The following CIT variants were observed in gnomAD, a reference collection of about 807,000 sequenced individuals.
CIT encodes citron Rho-interacting kinase.
CIT carries 79 observed loss-of-function variants against 272.7 expected under a neutral mutation model. The observed-to-expected ratio is 0.29, with a 90% CI of 0.24 to 0.35. The LOEUF (loss-of-function observed/expected upper bound fraction) is 0.35, where lower values mean the gene tolerates loss of function less well. Ranked by LOEUF, CIT falls within the 10% of genes least tolerant of loss-of-function variation. The probability of loss-of-function intolerance (pLI) is 1.00; values close to 1 mark genes in which losing one functional copy is unlikely to be tolerated. For missense variants in CIT, 1,909 were observed against 2,618.3 expected (o/e 0.73, Z 5.91); for synonymous variants, 948 against 995.6 (o/e 0.95, Z 0.90).
At chr12:119,868,934 G>A in intron 3 of CIT, 126 bp downstream of exon 3, 1 of 1,128,370 alleles carries the variant, frequency 8.9e-7, no homozygotes, top group Non-Finnish European at 1.3e-6. Flanking sequence ...ATTTGAACCT[G>A]GATCTGTCTT....
chr12:119,818,542 T>C (rs1024579311), intron 9 of CIT, among the ~76,000 whole-genome samples: 7 of 152,192 alleles, frequency 4.6e-5, no homozygotes, highest in African/African-American at 9.7e-5. Flanking sequence ...GGAAGAAGAC[T>C]ATCTCAGCGT....
rs192730588 is a variant in CIT at position 119,731,722 on chromosome 12, C to T, written c.3351-1092G>A. On this transcript the variant is annotated intron_variant, in intron 26 of 47. Coordinates refer to ENST00000392521, the MANE Select transcript of CIT (RefSeq NM_001206999.2). Reference sequence around the variant, plus strand: ...CAGCCTTCAAGGATAAATTCAAATGCTATGATCTCCATAAAACTATTCCCA... The same window carrying T: ...CAGCCTTCAAGGATAAATTCAAATGTTATGATCTCCATAAAACTATTCCCA... Among the ~76,000 whole-genome samples, 741 of 151,410 alleles carry T rather than the reference C, an allele frequency of 4.9e-3. 4 individuals are homozygous for T. Among genetic ancestry groups the T allele is most frequent in the Non-Finnish European group, 8.3e-3 (565 of 67,900 alleles).
intron 3 of CIT, among the ~76,000 whole-genome samples, chr12:119,868,126 G>T (rs1029776712): frequency 6.6e-6 from 1 of 151,994 alleles, no homozygotes. Context: ...CAGCCACTGG[G>T]GTGGAAGGAT....
rs542460458 is a variant in CIT, at chr12:119,690,996, A to G, written c.5883-542T>C. Among the ~76,000 whole-genome samples, 213 of 152,150 alleles carry G rather than the reference A, an allele frequency of 1.4e-3. 1 individual carries two copies. Among genetic ancestry groups the G allele is most frequent in the African/African-American group, 4.8e-3 (200 of 41,494 alleles). On this transcript the variant is annotated intron_variant, in intron 46 of 47. Transcript: ENST00000392521. The surrounding 1 kb of genome is among the most constrained non-coding windows in gnomAD (Gnocchi z 6.0). ...AGGCCAGCCTGGCCAACATGGTGAA[A>G]CCCCGTCTCTACTAAAAATACAAAA...
At chr12:119,805,544 C>T (rs562775527) in intron 9 of CIT, among the ~76,000 whole-genome samples, 2 of 152,304 alleles carry the variant, frequency 1.3e-5, no homozygotes, top group African/African-American at 4.8e-5. Context: ...CTTTCCTGCA[C>T]AGGGCAGAGA....
intron 14 of CIT, 101 bp from the exon 15 acceptor site, chr12:119,776,509 T>C (rs1963764419): frequency 8.5e-7 from 1 of 1,174,968 alleles, no homozygotes; most frequent in South Asian, 1.3e-5. Flanking sequence ...TAATAGTAAA[T>C]AAGAATAATG....
intron 4 of CIT, among the ~76,000 whole-genome samples, chr12:119,856,571 G>C (rs1324545683): frequency 6.6e-6 from 1 of 151,372 alleles, no homozygotes; most frequent in Non-Finnish European, 1.5e-5. Flanking sequence ...ACACACACTT[G>C]CATAGCATTC....
chr12:119,790,219 CAT>C (rs1031986107), intron 10 of CIT, among the ~76,000 whole-genome samples: 2 of 151,950 alleles, frequency 1.3e-5, no homozygotes, highest in Admixed American at 6.6e-5. Context: ...CATATTATCA[CAT>C]ATATATTATT....
chr12:119,700,706 G>A (rs780729671), intron 44 of CIT, 39 bp downstream of exon 44: 32 of 1,530,402 alleles, frequency 2.1e-5, no homozygotes, highest in Admixed American at 1.5e-4. Flanking sequence ...GACACCAGCT[G>A]CTGGCAAAAG....
chr12:119,833,584 G>C (rs1192537863), intron 6 of CIT, among the ~76,000 whole-genome samples: 1 of 145,862 alleles, frequency 6.9e-6, no homozygotes, highest in Non-Finnish European at 1.5e-5. Flanking sequence ...AGAATCACCT[G>C]AACCCAGCAG....
rs373068114 is a variant in CIT, at chr12:119,714,228, C to G, written c.4275G>C (p.Val1425=). 1.2e-4 allele frequency: 197 copies of G among 1,613,998 alleles called. No homozygotes were observed. The highest frequency in any genetic ancestry group is 6.6e-4 in the Middle Eastern group (4 of 6,084). Residue 1425 remains valine, a synonymous_variant, in exon 33 of 48, where the codon GTG becomes GTC. Transcript: ENST00000392521. ...ATKCAVCLDT[V]HFGRQASKCL... ...ATTTGGATGCCTGGCGTCCAAAGTG[C>G]ACGGTATCCAGACACACAGCACACT...
Position 119,690,180 on chromosome 12 carries a change from C to T in CIT, c.6157G>A (p.Val2053Met), listed in dbSNP as rs764137343. 137 of 1,486,374 alleles carry T rather than the reference C, an allele frequency of 9.2e-5. 1 individual carries two copies. Among genetic ancestry groups the T allele is most frequent in the Middle Eastern group, 7.2e-4 (4 of 5,574 alleles). 92.1% of individuals were successfully genotyped at this position (1,486,374 alleles called of 1,614,324 possible). ...SSRGRLPAGA[V>M]RTPLSQVNKV... ...TTCACCTGGGACAGCGGGGTCCTCA[C>T]GGCTCCCGCAGGCAGCCGGCCCCTG... Residue 2053 changes from valine to methionine, a missense_variant, in exon 47 of 48, where the codon GTG (valine) becomes ATG (methionine). Val to Met is a conservative substitution (Grantham distance 21). This residue lies in a region of CIT where 780 missense variants were observed against 1,067.2 expected (regional missense o/e 0.73). Coordinates refer to ENST00000392521, the MANE Select transcript of CIT (RefSeq NM_001206999.2). This position sits in a 1 kb window ranked among gnomAD's most constrained non-coding sequence, Gnocchi z 6.0.
intron 12 of CIT, chr12:119,783,615 T>A (rs988092073): frequency 8.3e-6 from 2 of 240,020 alleles, no homozygotes; most frequent in Non-Finnish European, 1.6e-5. Context: ...GGATGGGAGA[T>A]GTTAAGATCT....
At chr12:119,779,635 G>A (rs1470239058) in intron 13 of CIT, among the ~76,000 whole-genome samples, 1 of 152,140 alleles carries the variant, frequency 6.6e-6, no homozygotes, top group Non-Finnish European at 1.5e-5. Flanking sequence ...TTGAATTTAT[G>A]TCGGCGAGAA....
intron 46 of CIT, among the ~76,000 whole-genome samples, chr12:119,696,659 C>T (rs895433598): frequency 6.6e-5 from 10 of 152,106 alleles, no homozygotes; most frequent in Middle Eastern, 3.4e-3. Context: ...CCAGAGTAGC[C>T]GGGATTACAG....
At chr12:119,799,415 T>C (rs1472878072) in intron 10 of CIT, among the ~76,000 whole-genome samples, 1 of 152,144 alleles carries the variant, frequency 6.6e-6, no homozygotes, top group Non-Finnish European at 1.5e-5. Flanking sequence ...GAAGCCCCAG[T>C]AGAGCAAGGA....
chr12:119,688,382 G>C (rs1955699389), intron 47 of CIT, 127 bp from the exon 48 acceptor site: 1 of 922,768 alleles, frequency 1.1e-6, no homozygotes, highest in Non-Finnish European at 1.8e-6. Flanking sequence ...GTGAGTGCTT[G>C]GCAGGGCAGC....
chr12:119,734,229 C>T lies in CIT; in HGVS notation c.3285G>A (p.Glu1095=), dbSNP rs1282837929. 4 of 1,613,864 alleles carry T rather than the reference C, an allele frequency of 2.5e-6. No homozygotes were observed. Among genetic ancestry groups the T allele is most frequent in the Admixed American group, 1.7e-5 (1 of 59,988 alleles). ...GAACCCGACACTCAAACTGGGATTT[C>T]TCATCACCCAGGACGCTCCTCCAGG... ...WEAWRSVLGD[E]KSQFECRVRE... The change falls in exon 26 of 48, where the codon GAG becomes GAA. Residue 1095 remains glutamate, a synonymous_variant. Transcript: ENST00000392521.
At chr12:119,762,650 G>A (rs1181900483) in intron 19 of CIT, among the ~76,000 whole-genome samples, 9 of 152,106 alleles carry the variant, frequency 5.9e-5, no homozygotes, top group African/African-American at 2.2e-4. Flanking sequence ...ACATTTTCAG[G>A]ATGCCTCTGC....
Sources: allele counts gnomAD v4.1 joint callset (sites outside exome capture counted in the v4.1 genomes callset), GRCh38; gene constraint gnomAD v4.1.1; regional missense constraint gnomAD v4.1.1; non-coding constraint Gnocchi (gnomAD v3.1); transcripts MANE v1.5; gene names NCBI Gene and HGNC (gene_info 2026-07-23, HGNC 2026-07-21).